Variants in SYNPO2 observed in about 807,000 individuals in gnomAD.
SYNPO2 encodes the protein synaptopodin 2.
In SYNPO2, 56 loss-of-function variants were observed where a neutral mutation model predicts 85.0. The ratio of observed to expected loss-of-function variants is 0.66; its 90% CI spans 0.53 to 0.82. SYNPO2 has a LOEUF of 0.82. SYNPO2 is among the 40% of genes least tolerant of loss of function. The pLI, the probability that SYNPO2 is intolerant of heterozygous loss-of-function variation, is 0.00. For missense variants in SYNPO2, 1,575 were observed against 1,534.2 expected, an observed-to-expected ratio of 1.03 and a Z score of -0.44; for synonymous variants, 602 against 591.1, an observed-to-expected ratio of 1.02 and a Z score of -0.27.
chr4:118,870,986 A>G (rs1731788963), intron 1 of SYNPO2, among the ~76,000 whole-genome samples: 1 of 152,258 alleles, frequency 6.6e-6, no homozygotes. Flanking sequence ...CAGAAAGACA[A>G]GTGACACCCA....
chr4:118,884,095 T>C (rs1271426638), upstream of SYNPO2, among the ~76,000 whole-genome samples: 1 of 152,254 alleles, frequency 6.6e-6, no homozygotes, highest in Non-Finnish European at 1.5e-5. Context: ...TGAGCTTAGA[T>C]AATTCATTGC....
At chr4:118,939,035 G>A (rs755365000) in intron 1 of SYNPO2, among the ~76,000 whole-genome samples, 14 of 152,052 alleles carry the variant, frequency 9.2e-5, no homozygotes, top group Admixed American at 3.9e-4. Flanking sequence ...GGATTATGAT[G>A]GTGTACAGAT....
At chr4:118,853,865 T>A (rs1264490425) in intron 1 of SYNPO2, among the ~76,000 whole-genome samples, 1 of 152,160 alleles carries the variant, frequency 6.6e-6, no homozygotes, top group Non-Finnish European at 1.5e-5. Context: ...TAGGTGTACA[T>A]GGAATATGTG....
At chr4:119,040,944 C>A (rs1277154303) in intron 4 of SYNPO2, among the ~76,000 whole-genome samples, 1 of 152,204 alleles carries the variant, frequency 6.6e-6, no homozygotes, top group African/African-American at 2.4e-5. Context: ...TGATCACTTT[C>A]CAAAAACAGA....
At chr4:119,032,929 T>TA in intron 4 of SYNPO2, 1 of 905,318 alleles carries the variant, frequency 1.1e-6, no homozygotes, top group Non-Finnish European at 1.3e-6. Context: ...AAAGGTTGAT[T>TA]CCCACCCTCC....
rs70944822 is a variant in SYNPO2 at position 118,927,776 on chromosome 4, TGATA to T, written c.105+38664_105+38667del. Among the ~76,000 whole-genome samples the T allele has an allele frequency of 8.8e-4, 90 of 102,662 alleles. 1 individual carries two copies. Among genetic ancestry groups the T allele is most frequent in the East Asian group, 2.3e-3 (8 of 3,464 alleles). The allele number at this position is 102,662 out of a possible 152,430, so 67.4% of individuals were successfully genotyped here. On this transcript the variant is annotated intron_variant, in intron 1 of 4. Transcript: ENST00000307142. ...ATAGATAGATATATAGATAGATAGA[TGATA>T]GATAGATAGATAGATAGATAGATAG...
At chr4:118,900,693 C>CTATATA (rs1451002170) in intron 1 of SYNPO2, among the ~76,000 whole-genome samples, 3 of 49,966 alleles carry the variant, frequency 6.0e-5, no homozygotes, top group East Asian at 5.8e-4. Flanking sequence ...CTCTCTCTCT[C>CTATATA]TCTCTCTCTC....
intron 1 of SYNPO2, among the ~76,000 whole-genome samples, chr4:119,020,444 T>C (rs1209981801): frequency 1.3e-5 from 2 of 152,288 alleles, no homozygotes; most frequent in Middle Eastern, 3.4e-3. Context: ...ATGCAACACA[T>C]GTTTGGATAA....
intron 1 of SYNPO2, among the ~76,000 whole-genome samples, chr4:118,892,635 T>C (rs901507343): frequency 2.6e-5 from 4 of 152,146 alleles, no homozygotes; most frequent in Non-Finnish European, 4.4e-5. Flanking sequence ...AAATCTTACC[T>C]GCAATTGAAA....
chr4:119,048,221 G>A (rs192561133), intron 4 of SYNPO2, among the ~76,000 whole-genome samples: 6 of 152,160 alleles, frequency 3.9e-5, no homozygotes, highest in African/African-American at 1.4e-4. Flanking sequence ...TATATTGAAG[G>A]TGGTGGGGAT....
intron 1 of SYNPO2, among the ~76,000 whole-genome samples, chr4:118,880,285 T>C (rs537294339): frequency 6.6e-6 from 1 of 152,214 alleles, no homozygotes; most frequent in Non-Finnish European, 1.5e-5. Context: ...GCTATCTGTA[T>C]GCTGTGCATT....
At chr4:119,019,679 C>A (rs778156144) in intron 1 of SYNPO2, among the ~76,000 whole-genome samples, 7 of 152,060 alleles carry the variant, frequency 4.6e-5, no homozygotes, top group Admixed American at 1.3e-4. Context: ...AACATCTAGA[C>A]GATAAAATTT....
At chr4:118,930,106 A>G (rs1202168189) in intron 1 of SYNPO2, among the ~76,000 whole-genome samples, 2 of 152,198 alleles carry the variant, frequency 1.3e-5, no homozygotes, top group African/African-American at 4.8e-5. Flanking sequence ...TAGATGTGCC[A>G]TATATGTTAG....
At position 119,018,411 on chromosome 4, in the gene SYNPO2, G is replaced by C. The variant is rs117517177; in HGVS notation, c.106-5019G>C. Among the ~76,000 whole-genome samples, 167 of 152,216 alleles carry C rather than the reference G, an allele frequency of 1.1e-3. 4 individuals carry two copies. In the East Asian group the frequency reaches 0.029, roughly 27 times the overall value. On this transcript the variant is annotated intron_variant, in intron 1 of 4. Coordinates refer to ENST00000307142, the MANE Select transcript of SYNPO2 (RefSeq NM_133477.3). ...GAATAGTGCTGCAATAAACTTGGGA[G>C]TGCAGATATCCCTTCAATATACTGA...
At chr4:118,981,464 A>G (rs1338212600) in intron 1 of SYNPO2, among the ~76,000 whole-genome samples, 2 of 152,176 alleles carry the variant, frequency 1.3e-5, no homozygotes, top group Non-Finnish European at 2.9e-5. Flanking sequence ...CCGTGCAACA[A>G]TCCTTGTGAT....
intron 1 of SYNPO2, among the ~76,000 whole-genome samples, chr4:118,977,777 A>C (rs1218960389): frequency 6.6e-6 from 1 of 152,186 alleles, no homozygotes; most frequent in African/African-American, 2.4e-5. Flanking sequence ...CCTTCTTTGA[A>C]CGTATATCAT....
At chr4:118,961,248 C>G (rs963558798) in intron 1 of SYNPO2, among the ~76,000 whole-genome samples, 1 of 152,052 alleles carries the variant, frequency 6.6e-6, no homozygotes, top group African/African-American at 2.4e-5. Context: ...CCCCCCGCAA[C>G]AGAGAATGAG....
At chr4:118,867,564 A>G (rs1164385093) in intron 1 of SYNPO2, among the ~76,000 whole-genome samples, 1 of 151,988 alleles carries the variant, frequency 6.6e-6, no homozygotes, top group Non-Finnish European at 1.5e-5. Flanking sequence ...GACATAGTGA[A>G]TGAATGCTTC....
At chr4:118,918,278 G>A (rs990784552) in intron 1 of SYNPO2, among the ~76,000 whole-genome samples, 1 of 152,046 alleles carries the variant, frequency 6.6e-6, no homozygotes, top group Non-Finnish European at 1.5e-5. Flanking sequence ...CATTTCACAT[G>A]TACCCAGGTG....
Sources: allele counts gnomAD v4.1 joint callset (sites outside exome capture counted in the v4.1 genomes callset), GRCh38; gene constraint gnomAD v4.1.1; transcripts MANE v1.5; gene names NCBI Gene and HGNC (gene_info 2026-07-23, HGNC 2026-07-21).